UBR2: variants seen among roughly 807,000 people sequenced by gnomAD.
UBR2 encodes the protein ubiquitin protein ligase E3 component n-recognin 2, also known as E3 ubiquitin-protein ligase UBR2.
In UBR2, 92 loss-of-function variants were observed where a neutral mutation model predicts 247.9. That is an observed-to-expected ratio of 0.37 (90% CI 0.31 to 0.44). The LOEUF is 0.44. Among genes scored for constraint, UBR2 ranks in the 20% least tolerant of loss-of-function variants. The pLI, the probability that UBR2 is intolerant of heterozygous loss-of-function variation, is 1.00. For synonymous variants in UBR2, 672 were observed against 693.5 expected, an observed-to-expected ratio of 0.97 and a Z score of 0.49; for missense variants, 1,613 against 2,112.6, an observed-to-expected ratio of 0.76 and a Z score of 4.64.
chr6:42,644,163 C>T (rs193222206), intron 18 of UBR2, 51 bp from the exon 19 acceptor site: 23 of 1,561,136 alleles, frequency 1.5e-5, no homozygotes, highest in African/African-American at 2.8e-5. Flanking sequence ...AATAGTGGCC[C>T]CTTTGACCTT....
At chr6:42,660,110 T>C (rs1475759501) in intron 30 of UBR2, among the ~76,000 whole-genome samples, 1 of 152,222 alleles carries the variant, frequency 6.6e-6, no homozygotes, top group Non-Finnish European at 1.5e-5. Context: ...TTACATACTT[T>C]GGCATTTCAC....
Position 42,679,780 on chromosome 6 carries a change from C to T in UBR2, c.4666C>T (p.Leu1556Phe), listed in dbSNP as rs749759309. Residue 1556 changes from leucine to phenylalanine, a missense_variant, in exon 42 of 47, where the codon CTC (leucine) becomes TTC (phenylalanine). Physicochemically the swap from Leu to Phe is conservative, Grantham distance 22. This residue lies in a region of UBR2 where 1,524 missense variants were observed against 1,967.3 expected (regional missense o/e 0.77). Coordinates refer to ENST00000372901, the MANE Select transcript of UBR2 (RefSeq NM_001363705.2). ...LCSYLSLPNNLICLFQENSEI... is the reference protein window; with the variant it reads ...LCSYLSLPNNFICLFQENSEI... ...TAGCTATCTTTCCCTACCAAACAAC[C>T]TCATTTGCCTTTTTCAAGAAAATAG... The T allele has an allele frequency of 4.3e-6, 7 of 1,613,590 alleles. No individual in the cohort carries two copies. The East Asian group carries it at 1.6e-4, about 36-fold the overall frequency.
chr6:42,588,840 C>T (rs1447854208), intron 2 of UBR2, among the ~76,000 whole-genome samples: 4 of 152,162 alleles, frequency 2.6e-5, no homozygotes, highest in African/African-American at 9.7e-5. Context: ...TACACTAAGT[C>T]ACCTCACAAG....
At chr6:42,675,218 T>C (rs1056124448) in intron 38 of UBR2, among the ~76,000 whole-genome samples, 1 of 152,216 alleles carries the variant, frequency 6.6e-6, no homozygotes, top group Non-Finnish European at 1.5e-5. Context: ...TATACTGCCA[T>C]GCAGACAGCA....
At chr6:42,681,751 A>C (rs886073327) in intron 42 of UBR2, among the ~76,000 whole-genome samples, 2 of 152,230 alleles carry the variant, frequency 1.3e-5, no homozygotes, top group African/African-American at 4.8e-5. Context: ...TTCTAGGTAC[A>C]GATTACAAAA....
At chr6:42,602,443 C>T (rs936224587) in intron 4 of UBR2, among the ~76,000 whole-genome samples, 2 of 151,904 alleles carry the variant, frequency 1.3e-5, no homozygotes, top group Non-Finnish European at 2.9e-5. Flanking sequence ...ACCTCGCGAT[C>T]CGCCTGCATC....
intron 11 of UBR2, among the ~76,000 whole-genome samples, chr6:42,627,318 A>G (rs1005857500): frequency 2.0e-5 from 3 of 152,038 alleles, no homozygotes; most frequent in African/African-American, 4.8e-5. Context: ...TACAATAGTA[A>G]TGTTATCTGT....
At chr6:42,594,522 G>T (rs1792851641) in intron 4 of UBR2, among the ~76,000 whole-genome samples, 1 of 152,104 alleles carries the variant, frequency 6.6e-6, no homozygotes, top group African/African-American at 2.4e-5. Context: ...TTTTTTATTT[G>T]GTTGGGGTTT....
At chr6:42,569,786 G>T (rs1469468606) in intron 1 of UBR2, among the ~76,000 whole-genome samples, 1 of 152,008 alleles carries the variant, frequency 6.6e-6, no homozygotes, top group Non-Finnish European at 1.5e-5. Context: ...TTATTTTATT[G>T]TACTTGCTTT....
chr6:42,666,096 G>T, intron 33 of UBR2, 71 bp from the exon 34 acceptor site: 3 of 1,297,724 alleles, frequency 2.3e-6, no homozygotes, highest in East Asian at 4.9e-5. Flanking sequence ...TGATTTCTTT[G>T]ACCTATATGG....
At chr6:42,678,698 G>A in intron 41 of UBR2, 29 bp downstream of exon 41, 1 of 1,596,860 alleles carries the variant, frequency 6.3e-7, no homozygotes, top group Non-Finnish European at 8.5e-7. Flanking sequence ...CAAAACGTAG[G>A]GAGAGTTAGT....
chr6:42,612,736 C>T (rs1794173743), intron 8 of UBR2, among the ~76,000 whole-genome samples: 2 of 152,124 alleles, frequency 1.3e-5, no homozygotes, highest in South Asian at 2.1e-4. Context: ...TGATTTGACT[C>T]CAACAACTTT....
At chr6:42,630,106 T>TAGTAGC (rs1267365948) in intron 11 of UBR2, among the ~76,000 whole-genome samples, 1 of 151,124 alleles carries the variant, frequency 6.6e-6, no homozygotes, top group African/African-American at 2.4e-5. Flanking sequence ...ATCGTAGTAG[T>TAGTAGC]AGTAGCAGTA....
chr6:42,641,804 T>A, intron 17 of UBR2, 112 bp downstream of exon 17: 1 of 727,854 alleles, frequency 1.4e-6, no homozygotes, highest in Non-Finnish European at 2.2e-6. Flanking sequence ...ATTAAAATTG[T>A]TTGAAAAGAT....
chr6:42,633,718 T>TTTTTGTTTTG lies in UBR2; in HGVS notation c.1545+833_1545+842dup, dbSNP rs70990117. On this transcript the variant is annotated intron_variant, in intron 13 of 46. Transcript: ENST00000372901. ...TTTTTGGGGTTGTTTTTTTGTTTGT[T>TTTTTGTTTTG]TTTTGTTTTGTTTTGTTTTGTTTTG... 7.7e-3 allele frequency among the ~76,000 whole-genome samples: 1,140 copies of TTTTTGTTTTG among 148,768 alleles called. 10 individuals are homozygous for TTTTTGTTTTG. Among genetic ancestry groups the TTTTTGTTTTG allele is most frequent in the African/African-American group, 0.025 (995 of 40,370 alleles).
At chr6:42,675,898 A>C (rs573204149) in intron 38 of UBR2, among the ~76,000 whole-genome samples, 158 bp from the exon 39 acceptor site, 1 of 152,184 alleles carries the variant, frequency 6.6e-6, no homozygotes, top group Admixed American at 6.6e-5. Flanking sequence ...TGGATGTTGC[A>C]GTGAACCGAG....
intron 40 of UBR2, 47 bp downstream of exon 40, chr6:42,676,920 A>G (rs771161325): frequency 2.3e-5 from 32 of 1,401,208 alleles, no homozygotes; most frequent in Non-Finnish European, 3.1e-5. Context: ...ATATTGCTAG[A>G]TGATGATAGC....
At chr6:42,634,577 C>G (rs1795965614) in intron 13 of UBR2, among the ~76,000 whole-genome samples, 1 of 152,238 alleles carries the variant, frequency 6.6e-6, no homozygotes, top group Admixed American at 6.5e-5. Context: ...GCCTCAGCCT[C>G]CCGAGTAGCT....
At chr6:42,634,834 G>T (rs1463638656) in intron 13 of UBR2, among the ~76,000 whole-genome samples, 2 of 152,186 alleles carry the variant, frequency 1.3e-5, no homozygotes, top group African/African-American at 2.4e-5. Context: ...TCATGTATCT[G>T]TGAAAACAAT....
Sources: allele counts gnomAD v4.1 joint callset (sites outside exome capture counted in the v4.1 genomes callset), GRCh38; gene constraint gnomAD v4.1.1; regional missense constraint gnomAD v4.1.1; transcripts MANE v1.5; gene names NCBI Gene and HGNC (gene_info 2026-07-23, HGNC 2026-07-21).